Variants in MS4A4E observed in about 807,000 individuals in gnomAD.
The protein encoded by MS4A4E is membrane spanning 4-domains A4E, also known as putative membrane-spanning 4-domains subfamily A member 4E.
MS4A4E carries 23 observed loss-of-function variants against 13.3 expected under a neutral mutation model. The ratio of observed to expected loss-of-function variants is 1.73; its 90% CI spans 1.25 to 2.45. The LOEUF (loss-of-function observed/expected upper bound fraction) is 2.45. Among genes scored for constraint, MS4A4E ranks in the 30% most tolerant of loss-of-function variants. The pLI, the probability that MS4A4E is intolerant of heterozygous loss-of-function variation, is 0.00. For synonymous variants in MS4A4E, 36 were observed against 45.6 expected, an observed-to-expected ratio of 0.79 and a Z score of 0.85; for missense variants, 144 against 131.2, an observed-to-expected ratio of 1.10 and a Z score of -0.48.
chr11:60,212,122 C>A (rs1250007226), intron 5 of MS4A4E, among the ~76,000 whole-genome samples: 1 of 151,860 alleles, frequency 6.6e-6, no homozygotes, highest in Admixed American at 6.6e-5. Flanking sequence ...GAAATAAGGA[C>A]AACTGGTACA....
intron 1 of MS4A4E, among the ~76,000 whole-genome samples, chr11:60,237,271 A>G (rs1027885919): frequency 4.6e-5 from 7 of 152,180 alleles, no homozygotes; most frequent in Non-Finnish European, 8.8e-5. Flanking sequence ...TGCAATGAAC[A>G]TGATCTTGTT....
Position 60,222,461 on chromosome 11 carries a change from C to T in MS4A4E, c.178+6133G>A, listed in dbSNP as rs532695193. ...CCTTTTGAAGTCACAATTACAACATCAACCAGGTGACAATACTTTTCAGGG... is the reference window on the plus strand; with the variant it reads ...CCTTTTGAAGTCACAATTACAACATTAACCAGGTGACAATACTTTTCAGGG... On this transcript the variant is annotated intron_variant, in intron 3 of 8. Transcript: ENST00000651255. 2.0e-4 allele frequency among the ~76,000 whole-genome samples: 31 copies of T among 152,318 alleles called. No homozygotes were observed. The South Asian group carries it at 6.2e-3, about 31-fold the overall frequency.
chr11:60,213,348 A>G, intron 4 of MS4A4E: 4 of 1,496,262 alleles, frequency 2.7e-6, no homozygotes, highest in Non-Finnish European at 3.6e-6. Context: ...AGAAGATGAG[A>G]TAATCTCCAA....
rs1213952592 is a variant in MS4A4E at position 60,206,491 on chromosome 11, ATATATATACG to A, written c.484-681_484-672del. Among the ~76,000 whole-genome samples, 213 of 83,592 alleles carry A rather than the reference ATATATATACG, an allele frequency of 2.5e-3. 11 individuals are homozygous for A. The highest frequency in any genetic ancestry group is 0.025 in the Middle Eastern group (3 of 118). The allele number at this position is 83,592 out of a possible 152,430, so 54.8% of individuals were successfully genotyped here. A position where few individuals can be genotyped will look rare whatever the true frequency, so the allele number is the denominator to read the frequency against. ...CACACACACATATATATATATATGTATATATATACGTATATATATATACACACACACACAC... is the reference window on the plus strand; with the variant it reads ...CACACACACATATATATATATATGTATATATATATATACACACACACACAC... On this transcript the variant is annotated intron_variant, in intron 6 of 8. Transcript: ENST00000651255.
At chr11:60,230,156 G>A in intron 1 of MS4A4E, 85 bp from the exon 2 acceptor site, 2 of 1,410,286 alleles carry the variant, frequency 1.4e-6, no homozygotes, top group East Asian at 4.9e-5. Flanking sequence ...CCTCCCTAAG[G>A]ACAAAACCTG....
chr11:60,223,480 G>C (rs1182977231), intron 3 of MS4A4E, among the ~76,000 whole-genome samples: 1 of 152,124 alleles, frequency 6.6e-6, no homozygotes, highest in Non-Finnish European at 1.5e-5. Flanking sequence ...TGTGGGTTCA[G>C]GTTGACAAGG....
intron 1 of MS4A4E, among the ~76,000 whole-genome samples, chr11:60,231,117 T>C (rs1467118064): frequency 6.6e-6 from 1 of 152,110 alleles, no homozygotes; most frequent in East Asian, 1.9e-4. Flanking sequence ...AGCAATAAAA[T>C]TGATTAAAGT....
rs1037255559 is a variant in MS4A4E, at chr11:60,205,733, C to G, written c.571G>C (p.Val191Leu). Residue 191 changes from valine (V) to leucine (L), a missense_variant, in exon 7 of 9, where the codon GTC becomes CTC. Coordinates refer to ENST00000651255, the MANE Select transcript of MS4A4E (RefSeq NM_001393391.1). Reference sequence around the variant, plus strand: ...ATTTACCACCATACAGTACTGTCGACATCAACATTTAGTCTCTTTCCATCA... The same window carrying G: ...ATTTACCACCATACAGTACTGTCGAGATCAACATTTAGTCTCTTTCCATCA... ...QYDGKRLNVD[V>L]DSTVWCSGDG... is the part of the protein sequence containing the mutation. Among the ~76,000 whole-genome samples the G allele has an allele frequency of 1.3e-5, 2 of 152,192 alleles. No individual in the cohort carries two copies. The highest frequency in any genetic ancestry group is 4.8e-5 in the African/African-American group (2 of 41,456).
At chr11:60,238,314 T>C (rs2084509559) in intron 1 of MS4A4E, among the ~76,000 whole-genome samples, 1 of 151,982 alleles carries the variant, frequency 6.6e-6, no homozygotes, top group African/African-American at 2.4e-5. Context: ...TTTATAAAAG[T>C]TTTTAAAATT....
In MS4A4E at chr11:60,227,675, G is replaced by A. The variant is rs543307244; in HGVS notation, c.178+919C>T. ...TCTTGAAGAAGAAGGAGTTTTAGGA[G>A]TAACACTACCCATCTTTAGGACAAA... On this transcript the variant is annotated intron_variant, in intron 3 of 8. Coordinates refer to ENST00000651255, the MANE Select transcript of MS4A4E (RefSeq NM_001393391.1). Among the ~76,000 whole-genome samples, 3 of 152,190 alleles carry A rather than the reference G, an allele frequency of 2.0e-5. No homozygotes were observed. The South Asian group carries it at 6.2e-4, about 32-fold the overall frequency.
At chr11:60,231,710 C>A (rs984941467) in intron 1 of MS4A4E, among the ~76,000 whole-genome samples, 1 of 152,106 alleles carries the variant, frequency 6.6e-6, no homozygotes, top group Non-Finnish European at 1.5e-5. Context: ...ATACCTATCA[C>A]TTCCCTGGAG....
chr11:60,226,298 T>C (rs907538787), intron 3 of MS4A4E, among the ~76,000 whole-genome samples: 1 of 151,812 alleles, frequency 6.6e-6, no homozygotes, highest in African/African-American at 2.4e-5. Flanking sequence ...GCTAGCACTA[T>C]TATCTACCAA....
chr11:60,219,729 A>G (rs1394442508), intron 3 of MS4A4E, among the ~76,000 whole-genome samples: 2 of 152,208 alleles, frequency 1.3e-5, no homozygotes, highest in Non-Finnish European at 2.9e-5. Flanking sequence ...GCCTTTTACC[A>G]GGTAACTGGA....
chr11:60,219,520 C>G (rs572538180), intron 3 of MS4A4E, among the ~76,000 whole-genome samples: 62 of 152,246 alleles, frequency 4.1e-4, no homozygotes, highest in Admixed American at 6.5e-4. Context: ...ACTTCCAGGT[C>G]GAGTGGACAA....
In MS4A4E at chr11:60,200,446, G is replaced by C. The variant is rs1039372592; in HGVS notation, c.*1097C>G. 6.6e-6 allele frequency among the ~76,000 whole-genome samples: 1 copy of C among 152,046 alleles called. No homozygotes were observed. The highest frequency in any genetic ancestry group is 2.4e-5 in the African/African-American group (1 of 41,388). On this transcript the variant is annotated 3_prime_UTR_variant, in exon 9 of 9. Coordinates refer to ENST00000651255, the MANE Select transcript of MS4A4E (RefSeq NM_001393391.1). ...GGCAGAGGACCCTGCGGCCTTCCGAGGTGTTTGTGTCCCTGGGTACTTGAG... is the reference window on the plus strand; with the variant it reads ...GGCAGAGGACCCTGCGGCCTTCCGACGTGTTTGTGTCCCTGGGTACTTGAG...
At chr11:60,214,522 T>A (rs2084165726) in intron 4 of MS4A4E, 49 bp downstream of exon 4, 1 of 1,333,046 alleles carries the variant, frequency 7.5e-7, no homozygotes, top group African/African-American at 1.5e-5. Flanking sequence ...GCAGAATACA[T>A]TATTGATTAA....
chr11:60,206,474 C>T (rs28459585), intron 6 of MS4A4E, among the ~76,000 whole-genome samples: 1 of 82,486 alleles, frequency 1.2e-5, no homozygotes, highest in Non-Finnish European at 2.2e-5. Flanking sequence ...CACACACACA[C>T]ATATATATAT....
chr11:60,227,580 T>A (rs536675888), intron 3 of MS4A4E, among the ~76,000 whole-genome samples: 3 of 152,022 alleles, frequency 2.0e-5, no homozygotes, highest in Non-Finnish European at 4.4e-5. Flanking sequence ...TAGCAAATTA[T>A]TTGTGTATAT....
chr11:60,221,237 GCTTT>G (rs1202713374), intron 3 of MS4A4E, among the ~76,000 whole-genome samples: 1 of 112,140 alleles, frequency 8.9e-6, no homozygotes, highest in East Asian at 2.5e-4. Flanking sequence ...TGAATTGAGT[GCTTT>G]CTGACTTGTC....
Sources: gnomAD v4.1 joint callset for allele counts (sites outside exome capture counted in the v4.1 genomes callset) on GRCh38, gnomAD v4.1.1 for gene constraint, MANE v1.5 for transcripts, NCBI Gene and HGNC (gene_info 2026-07-23, HGNC 2026-07-21) for gene names.